P4HA3: variants seen among roughly 807,000 people sequenced by gnomAD.
P4HA3 encodes the protein prolyl 4-hydroxylase subunit alpha 3.
P4HA3 carries 60 observed loss-of-function variants against 66.7 expected under a neutral mutation model. That is an observed-to-expected ratio of 0.90 (90% CI 0.73 to 1.12). P4HA3 has a LOEUF of 1.12. P4HA3 is among the 50% of genes most tolerant of loss of function. P4HA3 has a pLI of 0.00. For synonymous variants in P4HA3, 263 were observed against 274.6 expected, an observed-to-expected ratio of 0.96 and a Z score of 0.42; for missense variants, 683 against 685.8, an observed-to-expected ratio of 1.00 and a Z score of 0.05.
rs536632840 is a variant in P4HA3 at position 74,298,354 on chromosome 11, T to C, written c.575A>G (p.Tyr192Cys). The stretch of plus-strand genomic sequence containing the variant: ...GGCATGGTAATAATCCCCCATGTCA[T>C]AGGCCACCTACACAGAACACAAGTA... ...DDCFQVGKVA[Y>C]DMGDYYHAIP... is the part of the protein sequence containing the mutation. Residue 192 changes from tyrosine (Y) to cysteine (C), a missense_variant, in exon 4 of 13, where the codon TAT becomes TGT. Coordinates refer to ENST00000331597, the MANE Select transcript of P4HA3 (RefSeq NM_182904.5). 8 of 1,613,630 alleles carry C rather than the reference T, an allele frequency of 5.0e-6. No homozygotes were observed. The Admixed American group carries it at 5.0e-5, about 10-fold the overall frequency.
At chr11:74,277,284 G>T in intron 8 of P4HA3, 140 bp from the exon 9 acceptor site, 1 of 1,076,488 alleles carries the variant, frequency 9.3e-7, no homozygotes, top group Non-Finnish European at 1.3e-6. Flanking sequence ...GAGAGGGAGG[G>T]AAGACAGACA....
At chr11:74,273,253 C>G (rs1353762988) in intron 10 of P4HA3, among the ~76,000 whole-genome samples, 1 of 152,180 alleles carries the variant, frequency 6.6e-6, no homozygotes, top group Non-Finnish European at 1.5e-5. Flanking sequence ...GTTCAAGTCC[C>G]TCTATCTCTT....
chr11:74,284,698 A>G (rs553221574), intron 7 of P4HA3, among the ~76,000 whole-genome samples: 2 of 152,196 alleles, frequency 1.3e-5, no homozygotes, highest in South Asian at 4.2e-4. Context: ...ACCTTGGCAC[A>G]CTTCCTTCCC....
At chr11:74,287,147 C>A in intron 5 of P4HA3, 1 of 1,237,448 alleles carries the variant, frequency 8.1e-7, no homozygotes, top group Admixed American at 2.8e-5. Flanking sequence ...GCAAGATGCC[C>A]CATGCATTGG....
At chr11:74,283,258 G>A (rs1860671377) in intron 7 of P4HA3, among the ~76,000 whole-genome samples, 1 of 152,112 alleles carries the variant, frequency 6.6e-6, no homozygotes, top group African/African-American at 2.4e-5. Flanking sequence ...CAACGTCTCT[G>A]GGTGGGTCAC....
chr11:74,251,174 G>T, intron 15 of P4HA3: 1 of 1,465,004 alleles, frequency 6.8e-7, no homozygotes, highest in Non-Finnish European at 9.0e-7. Flanking sequence ...CTTCTCCCTG[G>T]CAGCTGCTTA....
intron 9 of P4HA3, among the ~76,000 whole-genome samples, chr11:74,276,215 T>C (rs753426334): frequency 1.1e-4 from 16 of 152,148 alleles, no homozygotes; most frequent in Non-Finnish European, 2.2e-4. Context: ...ATTCAATAGT[T>C]GGGTGATGGG....
chr11:74,285,868 A>AG lies in P4HA3; in HGVS notation c.1050dup (p.Tyr351LeufsTer3). Reference sequence around the variant, plus strand: ...TCTGAGTCACTGACGAAGTCATGGTAGAGAGCAATGTAGGGCTCCAGGTGG... The same window carrying AG: ...TCTGAGTCACTGACGAAGTCATGGTAGGAGAGCAATGTAGGGCTCCAGGTGG... On this transcript the variant is annotated frameshift_variant, in exon 7 of 13. Transcript: ENST00000331597. LOFTEE classifies it high-confidence loss of function. 1 of 1,614,126 alleles carries AG rather than the reference A, an allele frequency of 6.2e-7. No homozygotes were observed. The highest frequency in any genetic ancestry group is 2.2e-5 in the East Asian group (1 of 44,888).
chr11:74,274,293 G>GT (rs1235463975), intron 9 of P4HA3, among the ~76,000 whole-genome samples: 50 of 143,732 alleles, frequency 3.5e-4, no homozygotes, highest in East Asian at 2.0e-3. Flanking sequence ...CCAATTCTTG[G>GT]TTTTTTTTTT....
At chr11:74,296,218 T>C (rs932884615) in intron 4 of P4HA3, among the ~76,000 whole-genome samples, 2 of 152,190 alleles carry the variant, frequency 1.3e-5, no homozygotes, top group Non-Finnish European at 2.9e-5. Context: ...TTATTCCTCT[T>C]TTACAAATAA....
chr11:74,308,880 G>A (rs185957221), intron 1 of P4HA3, among the ~76,000 whole-genome samples: 1 of 152,306 alleles, frequency 6.6e-6, no homozygotes, highest in African/African-American at 2.4e-5. Context: ...AAAACCCTAT[G>A]GTGGTAGGTA....
At chr11:74,309,613 C>T (rs1861668270) in intron 1 of P4HA3, among the ~76,000 whole-genome samples, 1 of 152,324 alleles carries the variant, frequency 6.6e-6, no homozygotes, top group Admixed American at 6.5e-5. Flanking sequence ...TAAGCTTGGA[C>T]TCCAATGACT....
Position 74,277,055 on chromosome 11 carries a change from T to A in P4HA3, c.1265A>T (p.Tyr422Phe), listed in dbSNP as rs781232004. 6 of 1,613,868 alleles carry A rather than the reference T, an allele frequency of 3.7e-6. No homozygotes were observed. In the African/African-American group the frequency reaches 8.0e-5, roughly 22 times the overall value. ...ALTGLDVRPP[Y>F]AEYLQVVNYG... Reference sequence around the variant, plus strand: ...GTTCACCACCTGCAGATACTCTGCATAGGGAGGCCGGACATCAAGGCCTGT... The same window carrying A: ...GTTCACCACCTGCAGATACTCTGCAAAGGGAGGCCGGACATCAAGGCCTGT... The change falls in exon 9 of 13, where the codon TAT (tyrosine) becomes TTT (phenylalanine). Residue 422 changes from tyrosine (Y) to phenylalanine (F), a missense_variant. Physicochemically the swap from Tyr to Phe is conservative, Grantham distance 22. Coordinates refer to ENST00000331597, the MANE Select transcript of P4HA3 (RefSeq NM_182904.5).
At chr11:74,251,113 T>C in intron 15 of P4HA3, 1 of 1,531,900 alleles carries the variant, frequency 6.5e-7, no homozygotes, top group Non-Finnish European at 8.8e-7. Context: ...CTGCATTGCC[T>C]GCAGCAGCTG....
downstream of P4HA3, among the ~76,000 whole-genome samples, chr11:74,263,193 G>T (rs1179924070): frequency 3.3e-5 from 5 of 152,262 alleles, no homozygotes; most frequent in African/African-American, 7.2e-5. Flanking sequence ...GCAGTGAGCA[G>T]GTCGTCTTCT....
At chr11:74,287,168 C>T (rs1860828377) in intron 5 of P4HA3, 5 of 1,264,140 alleles carry the variant, frequency 4.0e-6, no homozygotes, top group African/African-American at 1.5e-5. Context: ...CAGAGCTACC[C>T]GTGGCCTGCT....
chr11:74,305,247 CT>C (rs895327684), intron 1 of P4HA3, among the ~76,000 whole-genome samples: 2 of 152,082 alleles, frequency 1.3e-5, no homozygotes, highest in African/African-American at 4.8e-5. Flanking sequence ...GAAGGAAAGG[CT>C]TCCAAGAAGA....
intron 4 of P4HA3, among the ~76,000 whole-genome samples, chr11:74,294,914 T>C (rs577392650): frequency 6.6e-6 from 1 of 152,312 alleles, no homozygotes; most frequent in East Asian, 1.9e-4. Context: ...GAGGAGGCAG[T>C]CTGCCTGTTC....
chr11:74,265,646 C>T (rs1266892802), downstream of P4HA3, among the ~76,000 whole-genome samples: 1 of 152,222 alleles, frequency 6.6e-6, no homozygotes, highest in African/African-American at 2.4e-5. Flanking sequence ...CTTCTCATCA[C>T]ACTCTGCTTA....
Sources: allele counts gnomAD v4.1 joint callset (sites outside exome capture counted in the v4.1 genomes callset), GRCh38; gene constraint gnomAD v4.1.1; transcripts MANE v1.5; gene names NCBI Gene and HGNC (gene_info 2026-07-23, HGNC 2026-07-21).